MSRA: variants seen among roughly 807,000 people sequenced by gnomAD.
MSRA encodes mitochondrial peptide methionine sulfoxide reductase.
A neutral mutation model predicts 31.3 loss-of-function variants in MSRA; 54 were observed. The ratio of observed to expected loss-of-function variants is 1.73; its 90% CI spans 1.39 to 2.17. The LOEUF (loss-of-function observed/expected upper bound fraction) is 2.17. Among genes scored for constraint, MSRA ranks in the 30% most tolerant of loss-of-function variants. The pLI is 0.00. For missense variants in MSRA, 507 were observed against 300.9 expected (o/e 1.69, Z -5.07); for synonymous variants, 169 against 116.5 (o/e 1.45, Z -2.90).
chr8:10,339,882 G>A (rs569992599), intron 5 of MSRA, among the ~76,000 whole-genome samples: 1 of 152,050 alleles, frequency 6.6e-6, no homozygotes, highest in Non-Finnish European at 1.5e-5. Flanking sequence ...ACTAACGAGA[G>A]GGAACATAAG....
chr8:10,235,914 A>G (rs1249421022), intron 2 of MSRA, among the ~76,000 whole-genome samples: 2 of 152,220 alleles, frequency 1.3e-5, no homozygotes, highest in Non-Finnish European at 2.9e-5. Flanking sequence ...CTGAAATAAA[A>G]TAGCACAGGT....
chr8:10,370,730 A>G (rs1416586873), intron 5 of MSRA, among the ~76,000 whole-genome samples: 1 of 152,190 alleles, frequency 6.6e-6, no homozygotes, highest in African/African-American at 2.4e-5. Flanking sequence ...GTCACAGTGA[A>G]CGACAAGGAG....
chr8:10,178,784 A>T (rs1365629421), intron 1 of MSRA, among the ~76,000 whole-genome samples: 1 of 152,132 alleles, frequency 6.6e-6, no homozygotes, highest in East Asian at 1.9e-4. Context: ...CTAGGTTGAG[A>T]TACTTTGGAA....
intron 1 of MSRA, among the ~76,000 whole-genome samples, chr8:10,206,909 T>A (rs1809035672): frequency 6.6e-6 from 1 of 152,184 alleles, no homozygotes; most frequent in South Asian, 2.1e-4. Flanking sequence ...CCTAGACCCC[T>A]CCAAGCGTGG....
intron 5 of MSRA, among the ~76,000 whole-genome samples, chr8:10,328,903 C>G (rs1234251998): frequency 1.3e-5 from 2 of 152,196 alleles, no homozygotes; most frequent in African/African-American, 4.8e-5. Context: ...CATGGACTCA[C>G]TGTTGCCACA....
intron 1 of MSRA, among the ~76,000 whole-genome samples, chr8:10,069,612 C>T (rs987082325): frequency 1.3e-5 from 2 of 152,318 alleles, no homozygotes; most frequent in Non-Finnish European, 2.9e-5. Context: ...CCTCACATGG[C>T]AGAAGAACAG....
chr8:10,209,656 C>G (rs1468666590), intron 2 of MSRA, among the ~76,000 whole-genome samples: 3 of 152,186 alleles, frequency 2.0e-5, no homozygotes, highest in African/African-American at 7.2e-5. Flanking sequence ...GGGCAACTTC[C>G]CCTCTCTAAG....
chr8:10,280,336 TA>T (rs1321139910), intron 3 of MSRA, among the ~76,000 whole-genome samples: 2 of 147,814 alleles, frequency 1.4e-5, no homozygotes, highest in African/African-American at 2.5e-5. Context: ...ATTTTGTTGA[TA>T]TTTTTTACTT....
At chr8:10,247,842 G>C (rs1174263073) in intron 3 of MSRA, among the ~76,000 whole-genome samples, 2 of 152,196 alleles carry the variant, frequency 1.3e-5, no homozygotes, top group African/African-American at 4.8e-5. Flanking sequence ...ATGATAGAAA[G>C]GTCCCTCTGG....
chr8:10,375,378 A>C (rs1466188612), intron 5 of MSRA, among the ~76,000 whole-genome samples: 1 of 152,224 alleles, frequency 6.6e-6, no homozygotes, highest in Admixed American at 6.5e-5. Flanking sequence ...GTAGATGAAG[A>C]ACCTTCATAT....
intron 1 of MSRA, among the ~76,000 whole-genome samples, chr8:10,165,691 G>C (rs1014602097): frequency 1.8e-4 from 27 of 152,336 alleles, no homozygotes; most frequent in African/African-American, 6.5e-4. Context: ...AGTCTTGTAA[G>C]TGGGAGAGTA....
intron 5 of MSRA, among the ~76,000 whole-genome samples, chr8:10,324,030 G>A (rs1244089982): frequency 6.6e-6 from 1 of 152,088 alleles, no homozygotes; most frequent in Non-Finnish European, 1.5e-5. Flanking sequence ...CAGTGTTTTC[G>A]TACCAGCTAA....
intron 1 of MSRA, among the ~76,000 whole-genome samples, chr8:10,143,934 C>T (rs567206940): frequency 9.9e-5 from 15 of 152,208 alleles, no homozygotes; most frequent in Middle Eastern, 3.4e-3. Context: ...ATAGGAAGTC[C>T]GTGTCAAGAA....
chr8:10,140,293 G>C (rs539637310), intron 1 of MSRA, among the ~76,000 whole-genome samples: 3 of 152,190 alleles, frequency 2.0e-5, no homozygotes. Flanking sequence ...CTTATGACCT[G>C]CCATAGGGGA....
intron 1 of MSRA, among the ~76,000 whole-genome samples, chr8:10,202,557 G>A (rs1289946781): frequency 6.6e-6 from 1 of 152,126 alleles, no homozygotes; most frequent in Admixed American, 6.5e-5. Flanking sequence ...GAGACTCTAT[G>A]GGTACTGTGT....
intron 1 of MSRA, among the ~76,000 whole-genome samples, chr8:10,156,853 T>G (rs923418194): frequency 1.3e-5 from 2 of 151,212 alleles, no homozygotes; most frequent in Non-Finnish European, 2.9e-5. Flanking sequence ...AATTGGATTC[T>G]TTACTTAGTC....
intron 5 of MSRA, among the ~76,000 whole-genome samples, chr8:10,322,688 G>T (rs1340668694): frequency 1.3e-5 from 2 of 152,124 alleles, no homozygotes; most frequent in Non-Finnish European, 2.9e-5. Flanking sequence ...CCTAGCACAT[G>T]GTAAATACCT....
chr8:10,243,709 A>C (rs1324472620), intron 2 of MSRA, among the ~76,000 whole-genome samples: 1 of 152,192 alleles, frequency 6.6e-6, no homozygotes, highest in African/African-American at 2.4e-5. Context: ...TTATCACTTT[A>C]GTATACTTAG....
intron 1 of MSRA, among the ~76,000 whole-genome samples, chr8:10,068,292 A>G (rs1270459644): frequency 1.3e-5 from 2 of 152,086 alleles, no homozygotes; most frequent in Non-Finnish European, 1.5e-5. Flanking sequence ...TCTTGACAGT[A>G]TCTTTGGGAA....
Sources: allele counts gnomAD v4.1 joint callset (sites outside exome capture counted in the v4.1 genomes callset), GRCh38; gene constraint gnomAD v4.1.1; transcripts MANE v1.5; gene names NCBI Gene and HGNC (gene_info 2026-07-23, HGNC 2026-07-21).